RYR1: variants seen among roughly 807,000 people sequenced by gnomAD.
The protein encoded by RYR1 is central core disease of muscle.
In RYR1, 342 loss-of-function variants were observed where a neutral mutation model predicts 583.5. That is an observed-to-expected ratio of 0.59 (90% CI 0.54 to 0.64). RYR1 has a LOEUF of 0.64. Among genes scored for constraint, RYR1 ranks in the 30% least tolerant of loss-of-function variants. The pLI is 0.00. For synonymous variants in RYR1, 2,791 were observed against 2,822.5 expected (o/e 0.99, Z 0.35); for missense variants, 6,032 against 6,917.2 (o/e 0.87, Z 4.54).
At chr19:38,455,772 C>T in intron 16 of RYR1, 21 bp downstream of exon 16, 1 of 1,431,204 alleles carries the variant, frequency 7.0e-7, no homozygotes, top group Non-Finnish European at 9.9e-7. Context: ...CACCCCTGAC[C>T]TCTCATCCCC....
intron 70 of RYR1, among the ~76,000 whole-genome samples, chr19:38,524,320 A>G (rs56099076): frequency 1 from 151,774 of 152,020 alleles, 75,767 homozygotes; most frequent in East Asian, 1. Context: ...CTCGCCGTGG[A>G]TGGTTTAAAG....
At position 38,512,537 on chromosome 19, in the gene RYR1, A is replaced by AC. The variant is rs772673835; in HGVS notation, c.9472+57dup. The AC allele has an allele frequency of 5.9e-6, 9 of 1,527,898 alleles. No homozygotes were observed. The highest frequency in any genetic ancestry group is 1.4e-5 in the African/African-American group (1 of 73,362). 94.6% of individuals were successfully genotyped at this position (1,527,898 alleles called of 1,614,324 possible). A position where few individuals can be genotyped will look rare whatever the true frequency, so the allele number is the denominator to read the frequency against. ...GCGGGGAGTCAGTGTGGCCAACACCACCCATCCGGGTGCCTGTGAGAGTCC... is the reference window on the plus strand; with the variant it reads ...GCGGGGAGTCAGTGTGGCCAACACCACCCCATCCGGGTGCCTGTGAGAGTCC... On this transcript the variant is annotated intron_variant, in intron 63 of 105. Coordinates refer to ENST00000359596, the MANE Select transcript of RYR1 (RefSeq NM_000540.3). This position sits in a 1 kb window ranked among gnomAD's most constrained non-coding sequence, Gnocchi z 5.1.
Position 38,511,458 on chromosome 19 carries a change from T to C in RYR1, c.9123-103T>C, listed in dbSNP as rs75561189. 14 of 1,225,296 alleles carry C rather than the reference T, an allele frequency of 1.1e-5. No individual in the cohort carries two copies. In the Admixed American group the frequency reaches 2.4e-4, roughly 21 times the overall value. The allele number at this position is 1,225,296 out of a possible 1,614,324, so 75.9% of individuals were successfully genotyped here. On this transcript the variant is annotated intron_variant, in intron 60 of 105. Transcript: ENST00000359596. ...CCCCCTCCTGGTTCCTCTCTCCTTGTCTTCTCTGTCCCTGTCTCCTCTAAT... is the reference window on the plus strand; with the variant it reads ...CCCCCTCCTGGTTCCTCTCTCCTTGCCTTCTCTGTCCCTGTCTCCTCTAAT...
At chr19:38,559,440 T>G (rs1020806100) in intron 89 of RYR1, among the ~76,000 whole-genome samples, 1 of 151,670 alleles carries the variant, frequency 6.6e-6, no homozygotes, top group Non-Finnish European at 1.5e-5. Context: ...CACCATGTTG[T>G]CCAGGCTGGT....
rs561701730 is a variant in RYR1, at chr19:38,500,501, A to G, written c.7324-105A>G. 61 of 1,519,360 alleles carry G rather than the reference A, an allele frequency of 4.0e-5. 1 individual carries two copies. The African/African-American group carries it at 7.0e-4, about 17-fold the overall frequency. The allele number at this position is 1,519,360 out of a possible 1,614,324, so 94.1% of individuals were successfully genotyped here. On this transcript the variant is annotated intron_variant, in intron 45 of 105. Transcript: ENST00000359596. This position sits in a 1 kb window ranked among gnomAD's most constrained non-coding sequence, Gnocchi z 5.9. The stretch of plus-strand genomic sequence containing the variant: ...GAAACTCTAGACAGCCTCCTGAGAA[A>G]GAGGCCTGCTCTACCCTCCTGTGTG...
chr19:38,447,923 G>GT (rs1303984720), intron 9 of RYR1, among the ~76,000 whole-genome samples: 3 of 151,138 alleles, frequency 2.0e-5, no homozygotes, highest in African/African-American at 7.3e-5. Context: ...GGTTTGGGGG[G>GT]TTTTTGAGGG....
chr19:38,473,336 C>T (rs537895311), intron 27 of RYR1, 41 bp from the exon 28 acceptor site: 1 of 1,612,624 alleles, frequency 6.2e-7, no homozygotes, highest in Non-Finnish European at 8.5e-7. Context: ...CCTGGCCTAG[C>T]CCGCCTGCCC....
rs1385929371 is a variant in RYR1 at position 38,463,563 on chromosome 19, A to G, written c.2682+36A>G. On this transcript the variant is annotated intron_variant, in intron 21 of 105. Transcript: ENST00000359596. ...GCCTGCAGCCTGCGGGAGGCCGGCT[A>G]GACTTGCGGTGCCAGGAGGGAGAGC... 1.9e-6 allele frequency: 3 copies of G among 1,590,514 alleles called. No individual in the cohort carries two copies. The East Asian group carries it at 6.7e-5, about 36-fold the overall frequency.
chr19:38,499,018 CGCAGG>C lies in RYR1; in HGVS notation c.6892-70_6892-66del, dbSNP rs3842417. On this transcript the variant is annotated intron_variant, in intron 42 of 105. Transcript: ENST00000359596. This position sits in a 1 kb window ranked among gnomAD's most constrained non-coding sequence, Gnocchi z 7.3. ...TCAGAGCTGAACCGGACTGAGGAGC[CGCAGG>C]GCAGGGCAGGGCAGGGCAGAGGGCT... 73,142 of 1,548,760 alleles carry C rather than the reference CGCAGG, an allele frequency of 0.047. 2,055 individuals carry two copies. The highest frequency in any genetic ancestry group is 0.1 in the Admixed American group (5,662 of 55,428).
intron 1 of RYR1, among the ~76,000 whole-genome samples, chr19:38,436,384 T>A (rs971759636): frequency 1.3e-5 from 2 of 152,022 alleles, no homozygotes; most frequent in Non-Finnish European, 2.9e-5. Context: ...ATTTGTAAAA[T>A]TTTTTGTAGA....
chr19:38,561,489 TG>T lies in RYR1; in HGVS notation c.12624+39del. On this transcript the variant is annotated intron_variant, in intron 90 of 105. Transcript: ENST00000359596. This position sits in a 1 kb window ranked among gnomAD's most constrained non-coding sequence, Gnocchi z 4.8. ...CCCGCGCGCGTGCAAGCTCGCCTCC[TG>T]GGGCTTCGGGCATGCGGGTGCTCAC... is the stretch of plus-strand genomic sequence containing the variant. The T allele has an allele frequency of 1.3e-6, 2 of 1,583,422 alleles. No individual in the cohort carries two copies.
chr19:38,531,159 T>A (rs1204487605), intron 76 of RYR1, among the ~76,000 whole-genome samples: 1 of 151,928 alleles, frequency 6.6e-6, no homozygotes, highest in Non-Finnish European at 1.5e-5. Context: ...ATCTCTCTGG[T>A]GAGCTTCCAC....
chr19:38,448,565 G>T, intron 10 of RYR1, 54 bp downstream of exon 10: 1 of 1,614,104 alleles, frequency 6.2e-7, no homozygotes, highest in Non-Finnish European at 8.5e-7. Context: ...TCCCAGCCCA[G>T]CCTGCACTCT....
At chr19:38,455,196 G>T (rs1568447455) in intron 13 of RYR1, 39 bp from the exon 14 acceptor site, 2 of 1,611,252 alleles carry the variant, frequency 1.2e-6, no homozygotes, top group Non-Finnish European at 1.7e-6. Context: ...GGAGGGCCTG[G>T]GTCTCCTATT....
intron 93 of RYR1, among the ~76,000 whole-genome samples, chr19:38,569,112 G>T (rs552014845): frequency 6.6e-6 from 1 of 151,910 alleles, no homozygotes; most frequent in Non-Finnish European, 1.5e-5. Flanking sequence ...CTGGGTTCAC[G>T]CCATTCTCCT....
intron 1 of RYR1, 105 bp from the exon 2 acceptor site, chr19:38,440,640 C>T (rs902189635): frequency 7.2e-7 from 1 of 1,389,462 alleles, no homozygotes; most frequent in African/African-American, 1.4e-5. Context: ...TTGTCAGTCA[C>T]TGTCTTTTTC....
At chr19:38,477,991 GA>G in intron 30 of RYR1, 121 bp downstream of exon 30, 1 of 1,005,634 alleles carries the variant, frequency 9.9e-7, no homozygotes, top group South Asian at 1.5e-5. Flanking sequence ...GGAGCGGGAG[GA>G]TTCTCTGGGG....
rs767181960 is a variant in RYR1, at chr19:38,466,120, C to G, written c.2900C>G (p.Ala967Gly). ...ATGATGAGCAATGGGTACAAGCCGG[C>G]TCCGCTGGACCTGAGCCACGTGCGG... ...TYMMSNGYKP[A>G]PLDLSHVRLT... The change falls in exon 24 of 106, where the codon GCT (alanine) becomes GGT (glycine). Residue 967 changes from alanine (A) to glycine (G), a missense_variant. Ala to Gly is a moderately conservative substitution (Grantham distance 60). Around this residue, in one of 11 missense-constraint regions of RYR1, gnomAD observed 2,627 missense variants for 2,961.3 expected, o/e 0.89. Coordinates refer to ENST00000359596, the MANE Select transcript of RYR1 (RefSeq NM_000540.3). 6.2e-7 allele frequency: 1 copy of G among 1,612,652 alleles called. No individual in the cohort carries two copies. The highest frequency in any genetic ancestry group is 1.3e-5 in the African/African-American group (1 of 75,044).
At position 38,485,141 on chromosome 19, in the gene RYR1, G is replaced by A. The variant is rs1399872773; in HGVS notation, c.4935-449G>A. Among the ~76,000 whole-genome samples, 5 of 152,132 alleles carry A rather than the reference G, an allele frequency of 3.3e-5. No homozygotes were observed. In the South Asian group the frequency reaches 8.3e-4, roughly 25 times the overall value. ...AACTAGTATACTCAGACCTGCCAGA[G>A]GGGGACCCAGTCTGGGGGCCCAAAC... On this transcript the variant is annotated intron_variant, in intron 33 of 105. Transcript: ENST00000359596.
Sources: gnomAD v4.1 joint callset for allele counts (sites outside exome capture counted in the v4.1 genomes callset) on GRCh38, gnomAD v4.1.1 for gene constraint, gnomAD v4.1.1 regional missense constraint, Gnocchi (gnomAD v3.1) non-coding constraint, MANE v1.5 for transcripts, NCBI Gene and HGNC (gene_info 2026-07-23, HGNC 2026-07-21) for gene names.